PEX5L: variants seen among roughly 807,000 people sequenced by gnomAD.
The protein encoded by PEX5L is peroxisomal biogenesis factor 5 like.
In PEX5L, 30 loss-of-function variants were observed where a neutral mutation model predicts 84.0. The observed-to-expected ratio is 0.36, with a 90% CI of 0.27 to 0.48. The LOEUF is 0.48. Among genes scored for constraint, PEX5L ranks in the 20% least tolerant of loss-of-function variants. PEX5L has a pLI of 0.99. For synonymous variants in PEX5L, 270 were observed against 283.1 expected, an observed-to-expected ratio of 0.95 and a Z score of 0.46; for missense variants, 533 against 754.6, an observed-to-expected ratio of 0.71 and a Z score of 3.44.
chr3:179,880,172 T>A, intron 4 of PEX5L, 49 bp from the exon 5 acceptor site: 1 of 1,180,068 alleles, frequency 8.5e-7, no homozygotes, highest in South Asian at 1.6e-5. Flanking sequence ...TACTCTGAAA[T>A]TATTTAAAAT....
At position 179,996,475 on chromosome 3, in the gene PEX5L, C is replaced by A. The variant is rs541127842; in HGVS notation, c.22-24810G>T. Among the ~76,000 whole-genome samples, 44 of 152,234 alleles carry A rather than the reference C, an allele frequency of 2.9e-4. No homozygotes were observed. In the South Asian group the frequency reaches 8.9e-3, roughly 31 times the overall value. On this transcript the variant is annotated intron_variant, in intron 1 of 14. Transcript: ENST00000467460. ...TAAAAGATGGCCCACTGCGAGTGAG[C>A]TGGAAATGCCTGATTTCCCTTGGCT...
intron 8 of PEX5L, among the ~76,000 whole-genome samples, chr3:179,848,869 A>T (rs571277889): frequency 1.3e-5 from 2 of 152,092 alleles, no homozygotes; most frequent in Non-Finnish European, 2.9e-5. Context: ...AGGAGATGAG[A>T]TCTGAGTCAG....
intron 2 of PEX5L, among the ~76,000 whole-genome samples, chr3:179,946,051 G>C (rs1433227909): frequency 1.3e-5 from 2 of 151,734 alleles, no homozygotes; most frequent in African/African-American, 4.8e-5. Context: ...TGTTCTAGGG[G>C]TATTCATTCT....
chr3:179,979,520 C>A (rs1290132842), intron 1 of PEX5L, among the ~76,000 whole-genome samples: 1 of 152,148 alleles, frequency 6.6e-6, no homozygotes, highest in East Asian at 1.9e-4. Context: ...AGCAAGCACT[C>A]CTTTTTGGTG....
intron 1 of PEX5L, among the ~76,000 whole-genome samples, chr3:180,024,220 C>T (rs888345234): frequency 4.6e-5 from 7 of 151,472 alleles, no homozygotes; most frequent in Admixed American, 4.6e-4. Flanking sequence ...AAGAATCACT[C>T]CTCCGTATTT....
intron 2 of PEX5L, among the ~76,000 whole-genome samples, chr3:179,920,933 T>A (rs1769162410): frequency 6.6e-6 from 1 of 152,312 alleles, no homozygotes; most frequent in African/African-American, 2.4e-5. Context: ...CAGTATTTTT[T>A]ACACAGTATA....
In PEX5L at chr3:179,798,040, G is replaced by A. The variant is rs1717732875; in HGVS notation, c.*3788C>T. 1 of 152,158 alleles carries A rather than the reference G, an allele frequency of 6.6e-6. No individual in the cohort carries two copies. The allele number at this position is 152,158 out of a possible 1,614,324, so 9.4% of individuals were successfully genotyped here. ...GAGTTTGGAAGCTTTTATTATAAAA[G>A]TGGGACTAGCTACAACTGTATTCAA... is the stretch of plus-strand genomic sequence containing the variant. On this transcript the variant is annotated 3_prime_UTR_variant, in exon 15 of 15. Transcript: ENST00000467460.
In PEX5L at chr3:179,970,872, G is replaced by T. The variant is rs140584020; in HGVS notation, c.93+722C>A. On this transcript the variant is annotated intron_variant, in intron 2 of 14. Transcript: ENST00000467460. ...TCGCTCTCAGATGCTGTGCCACCCA[G>T]GCATTAAATAAATGTGCAGTTATCT... 1.1e-3 allele frequency among the ~76,000 whole-genome samples: 172 copies of T among 152,152 alleles called. 1 individual carries two copies. Among genetic ancestry groups the T allele is most frequent in the African/African-American group, 3.9e-3 (160 of 41,518 alleles).
At position 179,849,142 on chromosome 3, in the gene PEX5L, A is replaced by G. The variant is rs1481677681; in HGVS notation, c.822+9920T>C. On this transcript the variant is annotated intron_variant, in intron 8 of 14. Transcript: ENST00000467460. Reference sequence around the variant, plus strand: ...ATAGCTACTAGTGTTACCCTAAGTAATAAATGGACCTCAAGAATCATCAAT... The same window carrying G: ...ATAGCTACTAGTGTTACCCTAAGTAGTAAATGGACCTCAAGAATCATCAAT... Among the ~76,000 whole-genome samples the G allele has an allele frequency of 2.6e-5, 4 of 152,348 alleles. No homozygotes were observed. In the East Asian group the frequency reaches 7.7e-4, roughly 29 times the overall value.
chr3:179,965,065 C>A (rs1231874639), intron 2 of PEX5L, among the ~76,000 whole-genome samples: 1 of 152,230 alleles, frequency 6.6e-6, no homozygotes, highest in African/African-American at 2.4e-5. Context: ...GATACACACA[C>A]ATTCTGTGTT....
At position 179,795,856 on chromosome 3, in the gene PEX5L, A is replaced by G. The variant is rs1716722081; in HGVS notation, c.*5972T>C. 1 of 152,224 alleles carries G rather than the reference A, an allele frequency of 6.6e-6. No individual in the cohort carries two copies. 9.4% of individuals were successfully genotyped at this position (152,224 alleles called of 1,614,324 possible). On this transcript the variant is annotated 3_prime_UTR_variant, in exon 15 of 15. Coordinates refer to ENST00000467460, the MANE Select transcript of PEX5L (RefSeq NM_016559.3). ...TTAAATGTTTGTTACAGTTTGTAAA[A>G]AGTTTAATAAATTAATCAGTTTTTT...
At chr3:180,023,090 C>T (rs978616044) in intron 1 of PEX5L, among the ~76,000 whole-genome samples, 18 of 152,162 alleles carry the variant, frequency 1.2e-4, no homozygotes, top group African/African-American at 4.3e-4. Flanking sequence ...CCTGAATTTG[C>T]TATGCAGGCG....
chr3:179,844,712 C>A (rs1053458027), intron 8 of PEX5L, among the ~76,000 whole-genome samples: 1 of 152,130 alleles, frequency 6.6e-6, no homozygotes, highest in African/African-American at 2.4e-5. Context: ...CGCCTGTAGT[C>A]CCAGCTACTC....
chr3:179,902,722 C>T, intron 2 of PEX5L: 1 of 455,732 alleles, frequency 2.2e-6, no homozygotes, highest in Non-Finnish European at 4.4e-6. Context: ...CACAGTTACA[C>T]AGGCCACTGG....
intron 8 of PEX5L, among the ~76,000 whole-genome samples, chr3:179,826,377 T>A (rs1365668358): frequency 6.6e-6 from 1 of 152,242 alleles, no homozygotes; most frequent in East Asian, 1.9e-4. Context: ...AGCAAACGAA[T>A]GTCTTTGCAG....
intron 1 of PEX5L, among the ~76,000 whole-genome samples, chr3:179,974,882 G>A (rs12629537): frequency 0.17 from 25,640 of 151,996 alleles, 2,394 homozygotes; most frequent in Admixed American, 0.25. Context: ...AAATAAACTT[G>A]CATTAAACTT....
chr3:179,840,185 T>G (rs9811757), intron 8 of PEX5L, among the ~76,000 whole-genome samples: 6,797 of 74,078 alleles, frequency 0.092, 85 homozygotes, highest in Non-Finnish European at 0.11. Flanking sequence ...GTGTGTGTGT[T>G]TTTTTTTTTT....
intron 3 of PEX5L, 84 bp downstream of exon 3, chr3:179,898,058 G>GT (rs878863923): frequency 0.029 from 19,700 of 676,596 alleles, no homozygotes; most frequent in South Asian, 0.04. Flanking sequence ...AAGAGTTAAA[G>GT]TTTTTTTTTT....
intron 2 of PEX5L, among the ~76,000 whole-genome samples, chr3:179,903,895 A>G (rs1428398896): frequency 6.6e-6 from 1 of 152,252 alleles, no homozygotes; most frequent in Non-Finnish European, 1.5e-5. Context: ...AAATTTTGAC[A>G]TACTGGTCAA....
Sources: gnomAD v4.1 joint callset for allele counts (sites outside exome capture counted in the v4.1 genomes callset) on GRCh38, gnomAD v4.1.1 for gene constraint, MANE v1.5 for transcripts, NCBI Gene and HGNC (gene_info 2026-07-23, HGNC 2026-07-21) for gene names.